Variants in SGMS1 observed in about 807,000 individuals in gnomAD.
SGMS1 encodes the protein sphingomyelin synthase 1.
In SGMS1, 13 loss-of-function variants were observed where a neutral mutation model predicts 46.2. The observed-to-expected ratio is 0.28, with a 90% CI of 0.18 to 0.45. The LOEUF is 0.45. Among genes scored for constraint, SGMS1 ranks in the 20% least tolerant of loss-of-function variants. The pLI, the probability that SGMS1 is intolerant of heterozygous loss-of-function variation, is 1.00. For synonymous variants in SGMS1, 203 were observed against 187.8 expected (o/e 1.08, Z -0.66); for missense variants, 324 against 519.9 (o/e 0.62, Z 3.66).
At chr10:50,421,043 C>G (rs1242514165) in intron 6 of SGMS1, among the ~76,000 whole-genome samples, 1 of 152,142 alleles carries the variant, frequency 6.6e-6, no homozygotes, top group East Asian at 1.9e-4. Flanking sequence ...ACACAATGAC[C>G]AATGTGGTTA....
intron 6 of SGMS1, among the ~76,000 whole-genome samples, chr10:50,372,188 T>A (rs1265975443): frequency 6.6e-6 from 1 of 152,172 alleles, no homozygotes; most frequent in Non-Finnish European, 1.5e-5. Flanking sequence ...ATACGTTTCA[T>A]GAACAACAAA....
intron 6 of SGMS1, among the ~76,000 whole-genome samples, chr10:50,379,661 A>G (rs1848573684): frequency 6.6e-6 from 1 of 152,160 alleles, no homozygotes; most frequent in Non-Finnish European, 1.5e-5. Context: ...AGAGAAAAGA[A>G]GAAGGGTTTC....
At chr10:50,351,730 A>C (rs898381705) in intron 6 of SGMS1, among the ~76,000 whole-genome samples, 1 of 152,224 alleles carries the variant, frequency 6.6e-6, no homozygotes, top group Non-Finnish European at 1.5e-5. Flanking sequence ...CTCCCTAGCC[A>C]TGTGGAACTG....
rs964813825 is a variant in SGMS1, at chr10:50,501,390, C to A, written c.-498+18441G>T. 2.6e-5 allele frequency among the ~76,000 whole-genome samples: 4 copies of A among 152,278 alleles called. No homozygotes were observed. In the East Asian group the frequency reaches 5.8e-4, roughly 22 times the overall value. On this transcript the variant is annotated intron_variant, in intron 3 of 10. Coordinates refer to ENST00000361781, the MANE Select transcript of SGMS1 (RefSeq NM_147156.4). Reference sequence around the variant, plus strand: ...AACTATTTCCATTATGTATTTTCTACATTTTATATAAAACTTTATATTATA... The same window carrying A: ...AACTATTTCCATTATGTATTTTCTAAATTTTATATAAAACTTTATATTATA...
At chr10:50,453,983 T>C (rs1837155885) in intron 5 of SGMS1, among the ~76,000 whole-genome samples, 1 of 120,670 alleles carries the variant, frequency 8.3e-6, no homozygotes, top group Admixed American at 1.0e-4. Flanking sequence ...GCAAAATCTT[T>C]AAAGCAGCCA....
At chr10:50,409,723 C>T (rs956752213) in intron 6 of SGMS1, among the ~76,000 whole-genome samples, 5 of 151,706 alleles carry the variant, frequency 3.3e-5, no homozygotes, top group Non-Finnish European at 5.9e-5. Flanking sequence ...GATATATCAA[C>T]GGGAATATAA....
chr10:50,472,486 C>A (rs1392937504), intron 3 of SGMS1, among the ~76,000 whole-genome samples: 1 of 152,102 alleles, frequency 6.6e-6, no homozygotes, highest in Non-Finnish European at 1.5e-5. Context: ...TTGCAAATGA[C>A]AGAATTATCT....
chr10:50,362,240 TAAAG>T, intron 6 of SGMS1, among the ~76,000 whole-genome samples: 2 of 152,172 alleles, frequency 1.3e-5, no homozygotes, highest in South Asian at 2.1e-4. Context: ...AGTTTCAAAA[TAAAG>T]AAAAAGAATT....
At chr10:50,363,157 TG>T (rs1333630750) in intron 6 of SGMS1, among the ~76,000 whole-genome samples, 5 of 151,884 alleles carry the variant, frequency 3.3e-5, no homozygotes, top group Non-Finnish European at 5.9e-5. Context: ...TCCTCTGAAA[TG>T]GTAGTAAAAA....
At chr10:50,447,852 T>C (rs1294414527) in intron 5 of SGMS1, among the ~76,000 whole-genome samples, 3 of 152,226 alleles carry the variant, frequency 2.0e-5, no homozygotes, top group Non-Finnish European at 4.4e-5. Context: ...CTCTTGTCCA[T>C]AGTCATTTTA....
intron 3 of SGMS1, among the ~76,000 whole-genome samples, chr10:50,475,693 C>T (rs1211778542): frequency 6.6e-6 from 1 of 152,038 alleles, no homozygotes; most frequent in Admixed American, 6.6e-5. Flanking sequence ...TTAGCAACGT[C>T]CCCCTAGTGC....
chr10:50,369,601 G>A (rs1316435461), intron 6 of SGMS1, among the ~76,000 whole-genome samples: 1 of 147,016 alleles, frequency 6.8e-6, no homozygotes, highest in African/African-American at 2.5e-5. Context: ...GAGGAAAAAA[G>A]TTCAATCTCA....
intron 6 of SGMS1, among the ~76,000 whole-genome samples, chr10:50,346,537 C>G (rs1046751979): frequency 1.3e-5 from 2 of 152,116 alleles, no homozygotes; most frequent in African/African-American, 4.8e-5. Context: ...GGAATACATA[C>G]TATAATCTCT....
chr10:50,401,669 G>T (rs190461350), intron 6 of SGMS1, among the ~76,000 whole-genome samples: 3 of 152,070 alleles, frequency 2.0e-5, no homozygotes, highest in Non-Finnish European at 4.4e-5. Context: ...TTTCTTAAGG[G>T]ATACATGTTT....
At chr10:50,566,930 GTTT>G (rs1487240384) in intron 2 of SGMS1, among the ~76,000 whole-genome samples, 1 of 152,052 alleles carries the variant, frequency 6.6e-6, no homozygotes. Context: ...GTTTTGTTTT[GTTT>G]TGTTGTTGTT....
chr10:50,432,204 A>G (rs958630141), intron 6 of SGMS1, among the ~76,000 whole-genome samples: 5 of 152,220 alleles, frequency 3.3e-5, no homozygotes, highest in South Asian at 2.1e-4. Context: ...TTAAATTCTC[A>G]AAATTTTTAG....
intron 3 of SGMS1, among the ~76,000 whole-genome samples, chr10:50,506,621 TC>T (rs1197050131): frequency 6.6e-6 from 1 of 152,170 alleles, no homozygotes; most frequent in Non-Finnish European, 1.5e-5. Flanking sequence ...GCCCACTCAC[TC>T]CTAAGATCAC....
chr10:50,610,318 C>G (rs986020836), intron 1 of SGMS1, among the ~76,000 whole-genome samples: 1 of 152,120 alleles, frequency 6.6e-6, no homozygotes, highest in African/African-American at 2.4e-5. Flanking sequence ...CACTTTTTAT[C>G]CACTTTCATA....
chr10:50,419,953 C>A (rs1015880198), intron 6 of SGMS1, among the ~76,000 whole-genome samples: 1 of 152,156 alleles, frequency 6.6e-6, no homozygotes, highest in African/African-American at 2.4e-5. Flanking sequence ...GTGGAAAGAA[C>A]ACTGCACAAA....
Sources: gnomAD v4.1 joint callset for allele counts (sites outside exome capture counted in the v4.1 genomes callset) on GRCh38, gnomAD v4.1.1 for gene constraint, MANE v1.5 for transcripts, NCBI Gene and HGNC (gene_info 2026-07-23, HGNC 2026-07-21) for gene names.